CCDC102B: variants seen among roughly 807,000 people sequenced by gnomAD.
The protein encoded by CCDC102B is coiled-coil domain-containing protein 102B.
In CCDC102B, 75 loss-of-function variants were observed where a neutral mutation model predicts 57.4. The ratio of observed to expected loss-of-function variants is 1.31; its 90% CI spans 1.08 to 1.58. The LOEUF (loss-of-function observed/expected upper bound fraction) is 1.58. CCDC102B is among the 40% of genes most tolerant of loss of function. The pLI, the probability that CCDC102B is intolerant of heterozygous loss-of-function variation, is 0.00. For missense variants in CCDC102B, 636 were observed against 582.6 expected (o/e 1.09, Z -0.94); for synonymous variants, 206 against 201.9 (o/e 1.02, Z -0.17).
intron 5 of CCDC102B, among the ~76,000 whole-genome samples, chr18:68,877,955 G>C (rs2144943540): frequency 6.6e-6 from 1 of 152,270 alleles, no homozygotes; most frequent in South Asian, 2.1e-4. Flanking sequence ...ATGAGGGAAG[G>C]ATAAGGACAA....
intron 1 of CCDC102B, among the ~76,000 whole-genome samples, chr18:68,813,229 G>A (rs1212141256): frequency 6.6e-6 from 1 of 152,006 alleles, no homozygotes; most frequent in Non-Finnish European, 1.5e-5. Context: ...GCCATAATAA[G>A]ATGGGCTTAC....
intron 1 of CCDC102B, among the ~76,000 whole-genome samples, chr18:68,827,230 C>T (rs2036941678): frequency 6.6e-6 from 1 of 151,916 alleles, no homozygotes; most frequent in Non-Finnish European, 1.5e-5. Flanking sequence ...CATCAAAAAA[C>T]AAGAAAGAAC....
At chr18:69,024,106 C>T (rs372103807) in intron 7 of CCDC102B, among the ~76,000 whole-genome samples, 3 of 152,014 alleles carry the variant, frequency 2.0e-5, no homozygotes, top group South Asian at 2.1e-4. Context: ...ATGGGAAATA[C>T]GCTTTGGAGG....
At chr18:68,943,950 A>C (rs2049460159) in intron 6 of CCDC102B, among the ~76,000 whole-genome samples, 1 of 152,186 alleles carries the variant, frequency 6.6e-6, no homozygotes, top group Non-Finnish European at 1.5e-5. Flanking sequence ...CAAGGGAACC[A>C]GGTATGGGGC....
rs190011934 is a variant in CCDC102B at position 69,022,222 on chromosome 18, T to A, written c.1434+11118T>A. Among the ~76,000 whole-genome samples, 385 of 94,930 alleles carry A rather than the reference T, an allele frequency of 4.1e-3. 1 individual carries two copies. Among genetic ancestry groups the A allele is most frequent in the African/African-American group, 0.011 (280 of 24,696 alleles). The allele number at this position is 94,930 out of a possible 152,430, so 62.3% of individuals were successfully genotyped here. On this transcript the variant is annotated intron_variant, in intron 7 of 7. Coordinates refer to ENST00000360242, the MANE Select transcript of CCDC102B (RefSeq NM_024781.3). ...ATATATATATATATATATATATATA[T>A]AACACACACACACGCGTGCGTGTGC... is the stretch of plus-strand genomic sequence containing the variant.
chr18:68,903,813 A>G (rs2040531871), intron 6 of CCDC102B, among the ~76,000 whole-genome samples: 1 of 152,176 alleles, frequency 6.6e-6, no homozygotes, highest in Non-Finnish European at 1.5e-5. Context: ...TCAGAAAGTC[A>G]GTGTGCCCGG....
chr18:69,030,525 A>G (rs1459101595), intron 7 of CCDC102B, among the ~76,000 whole-genome samples: 2 of 152,190 alleles, frequency 1.3e-5, no homozygotes, highest in African/African-American at 2.4e-5. Flanking sequence ...TTTTAGAAAC[A>G]TTTTTTGAAA....
chr18:68,969,030 G>A (rs767556357), intron 6 of CCDC102B, among the ~76,000 whole-genome samples: 1 of 151,620 alleles, frequency 6.6e-6, no homozygotes, highest in East Asian at 1.9e-4. Context: ...TTTTATTTTT[G>A]CATATTTGAA....
At chr18:68,804,889 G>A (rs1369695706) in intron 1 of CCDC102B, among the ~76,000 whole-genome samples, 1 of 150,494 alleles carries the variant, frequency 6.6e-6, no homozygotes, top group Non-Finnish European at 1.5e-5. Flanking sequence ...TATGTTGAGG[G>A]TATTATAGCA....
chr18:69,031,696 G>T (rs1407493267), intron 7 of CCDC102B, among the ~76,000 whole-genome samples: 3 of 151,916 alleles, frequency 2.0e-5, no homozygotes, highest in African/African-American at 7.3e-5. Context: ...TATGTTCTAT[G>T]AAGGTTTCAC....
At position 69,019,195 on chromosome 18, in the gene CCDC102B, C is replaced by T. The variant is rs553683636; in HGVS notation, c.1434+8091C>T. ...TTTCTTTTTAAGACTACTTTGAGATCTTTTATGTTTCCAAATGTATTTTGA... is the reference window on the plus strand; with the variant it reads ...TTTCTTTTTAAGACTACTTTGAGATTTTTTATGTTTCCAAATGTATTTTGA... On this transcript the variant is annotated intron_variant, in intron 7 of 7. Transcript: ENST00000360242. 1.4e-4 allele frequency among the ~76,000 whole-genome samples: 21 copies of T among 152,046 alleles called. No homozygotes were observed. In the East Asian group the frequency reaches 4.1e-3, roughly 29 times the overall value.
chr18:69,012,125 T>C (rs1599846153), intron 7 of CCDC102B, among the ~76,000 whole-genome samples: 1 of 152,150 alleles, frequency 6.6e-6, no homozygotes, highest in Non-Finnish European at 1.5e-5. Context: ...TACTTTGTAA[T>C]GATATTCATG....
At chr18:68,954,317 G>A (rs1189918384) in intron 6 of CCDC102B, among the ~76,000 whole-genome samples, 2 of 152,148 alleles carry the variant, frequency 1.3e-5, no homozygotes, top group Non-Finnish European at 2.9e-5. Flanking sequence ...CTACTCGGGA[G>A]GCTTAGGCAG....
chr18:69,049,845 T>C (rs1324777481), intron 7 of CCDC102B, among the ~76,000 whole-genome samples: 1 of 151,998 alleles, frequency 6.6e-6, no homozygotes, highest in Non-Finnish European at 1.5e-5. Flanking sequence ...AGTCTCACTA[T>C]GTTGCCCAGG....
intron 1 of CCDC102B, among the ~76,000 whole-genome samples, chr18:68,822,473 A>G (rs1020053313): frequency 6.6e-6 from 1 of 152,054 alleles, no homozygotes; most frequent in Non-Finnish European, 1.5e-5. Flanking sequence ...TTTAATTTGA[A>G]ATTGGGCATT....
At chr18:68,734,382 A>T (rs918169687) in intron 2 of CCDC102B, among the ~76,000 whole-genome samples, 4 of 152,238 alleles carry the variant, frequency 2.6e-5, no homozygotes, top group African/African-American at 9.6e-5. Flanking sequence ...GGGTGCAAAC[A>T]TATAAATTAT....
intron 7 of CCDC102B, among the ~76,000 whole-genome samples, chr18:69,036,025 T>C (rs1599879763): frequency 6.6e-6 from 1 of 152,214 alleles, no homozygotes; most frequent in Non-Finnish European, 1.5e-5. Context: ...AACTTGTCAC[T>C]TCAAGTTCCA....
At chr18:68,887,260 G>T (rs139414841) in intron 5 of CCDC102B, among the ~76,000 whole-genome samples, 190 of 152,222 alleles carry the variant, frequency 1.2e-3, no homozygotes, top group African/African-American at 4.4e-3. Flanking sequence ...GTGAGGTGGA[G>T]CATTCAGGTA....
At chr18:69,048,927 C>T (rs1334565482) in intron 7 of CCDC102B, among the ~76,000 whole-genome samples, 1 of 151,552 alleles carries the variant, frequency 6.6e-6, no homozygotes, top group African/African-American at 2.4e-5. Context: ...TTTTTAAACT[C>T]TTGGTTTTTT....
Sources: gnomAD v4.1 joint callset for allele counts (sites outside exome capture counted in the v4.1 genomes callset) on GRCh38, gnomAD v4.1.1 for gene constraint, MANE v1.5 for transcripts, NCBI Gene and HGNC (gene_info 2026-07-23, HGNC 2026-07-21) for gene names.